Variants in SNTG1 observed in about 807,000 individuals in gnomAD.
SNTG1 encodes the protein syntrophin gamma 1, also known as gamma-1-syntrophin.
Under a neutral mutation model 74.7 loss-of-function variants are expected in SNTG1, and 39 were observed. The ratio of observed to expected loss-of-function variants is 0.52; its 90% CI spans 0.40 to 0.68. The LOEUF (loss-of-function observed/expected upper bound fraction) is 0.68. Among genes scored for constraint, SNTG1 ranks in the 30% least tolerant of loss-of-function variants. The pLI is 0.00. For missense variants in SNTG1, 685 were observed against 609.5 expected (o/e 1.12, Z -1.30); for synonymous variants, 254 against 217.1 (o/e 1.17, Z -1.49).
intron 5 of SNTG1, among the ~76,000 whole-genome samples, chr8:50,447,443 G>T (rs2093417181): frequency 6.6e-6 from 1 of 152,130 alleles, no homozygotes; most frequent in Admixed American, 6.6e-5. Flanking sequence ...CTACCTAAAA[G>T]TTCATCAGTT....
intron 1 of SNTG1, among the ~76,000 whole-genome samples, chr8:49,915,637 C>T (rs1014534657): frequency 3.9e-5 from 6 of 152,054 alleles, no homozygotes; most frequent in East Asian, 1.9e-4. Flanking sequence ...TCTATCATGT[C>T]GTGTCATAAT....
At chr8:50,287,573 G>A (rs537275209) in intron 2 of SNTG1, among the ~76,000 whole-genome samples, 2 of 152,254 alleles carry the variant, frequency 1.3e-5, no homozygotes, top group East Asian at 3.9e-4. Context: ...TTTAGCAGTA[G>A]CCTGAATTGC....
chr8:50,135,094 C>T (rs1012519086), intron 1 of SNTG1, among the ~76,000 whole-genome samples: 1 of 152,126 alleles, frequency 6.6e-6, no homozygotes, highest in Non-Finnish European at 1.5e-5. Flanking sequence ...CTTTTCTGCA[C>T]AGCTGCGTGC....
chr8:50,096,978 A>ATTG (rs1217641470), intron 1 of SNTG1, among the ~76,000 whole-genome samples: 1 of 151,864 alleles, frequency 6.6e-6, no homozygotes, highest in African/African-American at 2.4e-5. Flanking sequence ...TATTATTATT[A>ATTG]TTATTTTTTG....
At chr8:50,093,024 AT>A (rs1474250793) in intron 1 of SNTG1, among the ~76,000 whole-genome samples, 1 of 152,112 alleles carries the variant, frequency 6.6e-6, no homozygotes, top group African/African-American at 2.4e-5. Context: ...AGAGCAAATA[AT>A]ATTAACACCC....
chr8:50,476,638 T>C (rs897518938), intron 8 of SNTG1, among the ~76,000 whole-genome samples: 1 of 152,146 alleles, frequency 6.6e-6, no homozygotes, highest in African/African-American at 2.4e-5. Context: ...TCATTGCACA[T>C]AGAAACATTT....
At chr8:49,928,042 T>C (rs1215882160) in intron 1 of SNTG1, among the ~76,000 whole-genome samples, 1 of 150,834 alleles carries the variant, frequency 6.6e-6, no homozygotes, top group African/African-American at 2.4e-5. Context: ...GGCAGGAGAA[T>C]CGCTTGAATC....
At chr8:49,973,009 A>G (rs182378762) in intron 1 of SNTG1, among the ~76,000 whole-genome samples, 1 of 152,328 alleles carries the variant, frequency 6.6e-6, no homozygotes, top group East Asian at 1.9e-4. Flanking sequence ...CCATCCCATT[A>G]CTGGGTATAT....
intron 2 of SNTG1, among the ~76,000 whole-genome samples, chr8:50,328,125 A>C (rs1310178335): frequency 6.6e-6 from 1 of 152,126 alleles, no homozygotes; most frequent in Non-Finnish European, 1.5e-5. Context: ...TACCTTTTGT[A>C]ATTATTTTTC....
In SNTG1 at chr8:50,595,632, T is replaced by C. The variant is rs539630270; in HGVS notation, c.849+4715T>C. On this transcript the variant is annotated intron_variant, in intron 13 of 18. Coordinates refer to ENST00000642720, the MANE Select transcript of SNTG1 (RefSeq NM_018967.5). ...TCATTGGCTTTCTTTTCTAAATATATAGATTTTCAAAATCCTGAGGGAGCG... is the reference window on the plus strand; with the variant it reads ...TCATTGGCTTTCTTTTCTAAATATACAGATTTTCAAAATCCTGAGGGAGCG... Among the ~76,000 whole-genome samples the C allele has an allele frequency of 4.3e-3, 649 of 152,188 alleles. 9 individuals carry two copies. Among genetic ancestry groups the C allele is most frequent in the African/African-American group, 0.014 (587 of 41,572 alleles).
intron 13 of SNTG1, among the ~76,000 whole-genome samples, chr8:50,647,283 G>C (rs975998584): frequency 6.6e-6 from 1 of 152,056 alleles, no homozygotes; most frequent in Non-Finnish European, 1.5e-5. Flanking sequence ...ACAGGCTACA[G>C]ACTGGAAGAA....
chr8:49,993,572 A>G (rs1813892202), intron 1 of SNTG1, among the ~76,000 whole-genome samples: 1 of 152,066 alleles, frequency 6.6e-6, no homozygotes, highest in African/African-American at 2.4e-5. Flanking sequence ...CCACACCCCG[A>G]AAGGCCAAGT....
At chr8:50,490,536 T>A (rs1202519823) in intron 8 of SNTG1, among the ~76,000 whole-genome samples, 1 of 152,208 alleles carries the variant, frequency 6.6e-6, no homozygotes, top group African/African-American at 2.4e-5. Context: ...CAATTGTGAA[T>A]GGGAATTCAC....
intron 2 of SNTG1, among the ~76,000 whole-genome samples, chr8:50,298,287 C>G (rs2089484434): frequency 2.0e-5 from 3 of 152,032 alleles, no homozygotes; most frequent in African/African-American, 4.8e-5. Flanking sequence ...GGAAACATCT[C>G]TAGGTTGGAA....
At chr8:50,445,164 C>G (rs1191318913) in intron 5 of SNTG1, among the ~76,000 whole-genome samples, 2 of 152,106 alleles carry the variant, frequency 1.3e-5, no homozygotes, top group African/African-American at 4.8e-5. Flanking sequence ...TTGCCAAAAT[C>G]AAACGAAGTA....
intron 18 of SNTG1, among the ~76,000 whole-genome samples, chr8:50,755,031 A>G (rs2095576814): frequency 1.3e-5 from 2 of 151,812 alleles, no homozygotes; most frequent in East Asian, 1.9e-4. Flanking sequence ...TCCCTACACA[A>G]GCACAGCCCC....
Position 50,668,899 on chromosome 8 carries a change from G to C in SNTG1, c.1038+10236G>C. On this transcript the variant is annotated intron_variant, in intron 15 of 18. Coordinates refer to ENST00000642720, the MANE Select transcript of SNTG1 (RefSeq NM_018967.5). Reference sequence around the variant, plus strand: ...CTGTCATTGGTGGGCATTTGGGTTGGTTCCACGACTTTGCAATTGTAAATA... The same window carrying C: ...CTGTCATTGGTGGGCATTTGGGTTGCTTCCACGACTTTGCAATTGTAAATA... Among the ~76,000 whole-genome samples, 2 of 151,924 alleles carry C rather than the reference G, an allele frequency of 1.3e-5. 1 individual carries two copies. The highest frequency in any genetic ancestry group is 3.9e-4 in the East Asian group (2 of 5,168).
At chr8:50,619,718 G>C (rs111238888) in intron 13 of SNTG1, among the ~76,000 whole-genome samples, 1 of 141,452 alleles carries the variant, frequency 7.1e-6, no homozygotes, top group Non-Finnish European at 1.5e-5. Context: ...GCGACAGAGC[G>C]AGACTCCGTC....
chr8:50,042,891 G>A (rs771801865), intron 1 of SNTG1, among the ~76,000 whole-genome samples: 166 of 152,188 alleles, frequency 1.1e-3, no homozygotes, highest in East Asian at 5.8e-4. Flanking sequence ...GCTATGGCTC[G>A]TTGCCAATTT....
Sources: allele counts gnomAD v4.1 joint callset (sites outside exome capture counted in the v4.1 genomes callset), GRCh38; gene constraint gnomAD v4.1.1; transcripts MANE v1.5; gene names NCBI Gene and HGNC (gene_info 2026-07-23, HGNC 2026-07-21).